Variants in CDH13 observed in about 807,000 individuals in gnomAD.
CDH13 encodes cadherin 13, also known as cadherin-13.
CDH13 carries 24 observed loss-of-function variants against 63.8 expected under a neutral mutation model. The observed-to-expected ratio is 0.38, with a 90% CI of 0.27 to 0.53. The LOEUF is 0.53. CDH13 is among the 20% of genes least tolerant of loss of function. The pLI, the probability that CDH13 is intolerant of heterozygous loss-of-function variation, is 0.85. For synonymous variants in CDH13, 503 were observed against 355.3 expected, an observed-to-expected ratio of 1.42 and a Z score of -4.67; for missense variants, 1,049 against 903.1, an observed-to-expected ratio of 1.16 and a Z score of -2.07.
chr16:83,239,114 G>T (rs7499979), intron 5 of CDH13, among the ~76,000 whole-genome samples: 1 of 152,194 alleles, frequency 6.6e-6, no homozygotes, highest in African/African-American at 2.4e-5. Context: ...TAAATATAGC[G>T]CCTGTCTTGT....
chr16:83,473,458 C>G (rs929213442), intron 6 of CDH13, among the ~76,000 whole-genome samples: 2 of 152,208 alleles, frequency 1.3e-5, no homozygotes, highest in Non-Finnish European at 2.9e-5. Flanking sequence ...CAGTAGTCAC[C>G]AGCACCCTGA....
chr16:83,058,520 G>A (rs954911711), intron 3 of CDH13, among the ~76,000 whole-genome samples: 1 of 151,998 alleles, frequency 6.6e-6, no homozygotes, highest in Non-Finnish European at 1.5e-5. Flanking sequence ...AAATGCTCTT[G>A]TCCAAATTCC....
chr16:83,602,107 CAAAAAAAAAAAAAAAAAAAAA>C (rs869202510), intron 7 of CDH13, among the ~76,000 whole-genome samples: 3 of 7,962 alleles, frequency 3.8e-4, no homozygotes, highest in Non-Finnish European at 5.6e-4. Flanking sequence ...AGAACAACAA[CAAAAAAAAAAAAAAAAAAAAA>C]AAAAAAAAAA....
chr16:82,737,912 T>C (rs2033754390), intron 1 of CDH13, among the ~76,000 whole-genome samples: 1 of 152,236 alleles, frequency 6.6e-6, no homozygotes, highest in Non-Finnish European at 1.5e-5. Flanking sequence ...AGGCTTCCAA[T>C]ATCATTCACC....
chr16:83,053,156 T>C (rs2030562854), intron 3 of CDH13, among the ~76,000 whole-genome samples: 1 of 152,218 alleles, frequency 6.6e-6, no homozygotes, highest in African/African-American at 2.4e-5. Flanking sequence ...AAGAATTAAA[T>C]AATATCATCT....
chr16:83,655,257 A>G (rs1411277065), intron 8 of CDH13: 1 of 152,264 alleles, frequency 6.6e-6, no homozygotes, highest in East Asian at 1.9e-4. Flanking sequence ...AGGATGTGCC[A>G]GACACCACGG....
intron 8 of CDH13, among the ~76,000 whole-genome samples, chr16:83,626,329 T>C (rs1031095234): frequency 1.3e-5 from 2 of 152,220 alleles, no homozygotes; most frequent in African/African-American, 4.8e-5. Context: ...AGACACACAC[T>C]GTCTGGGACC....
chr16:83,392,270 G>A (rs568907113), intron 6 of CDH13, among the ~76,000 whole-genome samples: 1 of 152,300 alleles, frequency 6.6e-6, no homozygotes, highest in African/African-American at 2.4e-5. Context: ...CATGGAGGAG[G>A]TTAAATAACA....
At chr16:83,069,631 C>T (rs936300772) in intron 3 of CDH13, among the ~76,000 whole-genome samples, 93 of 152,104 alleles carry the variant, frequency 6.1e-4, no homozygotes, top group African/African-American at 2.2e-3. Flanking sequence ...TGCCATGCTG[C>T]CTCTCAGAAA....
At chr16:83,352,441 T>G (rs916946516) in intron 6 of CDH13, among the ~76,000 whole-genome samples, 2 of 152,158 alleles carry the variant, frequency 1.3e-5, no homozygotes, top group African/African-American at 4.8e-5. Flanking sequence ...GAACTACCAT[T>G]TAATCCAGCA....
At chr16:82,994,109 G>T (rs927286736) in intron 2 of CDH13, among the ~76,000 whole-genome samples, 21 of 152,150 alleles carry the variant, frequency 1.4e-4, no homozygotes, top group Admixed American at 3.9e-4. Flanking sequence ...CCATCTGTTT[G>T]TGGGGAGGGA....
intron 5 of CDH13, among the ~76,000 whole-genome samples, chr16:83,277,612 A>G (rs151128367): frequency 1.9e-3 from 294 of 152,268 alleles, no homozygotes; most frequent in Non-Finnish European, 3.5e-3. Context: ...TATCTCATGT[A>G]TATATCATGG....
intron 3 of CDH13, among the ~76,000 whole-genome samples, chr16:83,101,434 GC>G (rs1387411712): frequency 2.1e-5 from 3 of 145,046 alleles, no homozygotes; most frequent in African/African-American, 7.6e-5. Flanking sequence ...TTGTGATATT[GC>G]CAAAAAAAAA....
At chr16:83,556,789 G>T (rs1272675040) in intron 7 of CDH13, among the ~76,000 whole-genome samples, 1 of 152,136 alleles carries the variant, frequency 6.6e-6, no homozygotes, top group Non-Finnish European at 1.5e-5. Flanking sequence ...CACACTTCAC[G>T]CCACACTTAG....
At chr16:83,292,454 C>G (rs11644424) in intron 5 of CDH13, among the ~76,000 whole-genome samples, 2 of 151,898 alleles carry the variant, frequency 1.3e-5, no homozygotes, top group South Asian at 2.1e-4. Flanking sequence ...CCATTACTCC[C>G]CCTTTGATTG....
At chr16:82,715,267 G>C (rs1234891871) in intron 1 of CDH13, among the ~76,000 whole-genome samples, 3 of 151,952 alleles carry the variant, frequency 2.0e-5, no homozygotes, top group African/African-American at 4.8e-5. Context: ...TCTATGACTT[G>C]CAGGCTGAAA....
At chr16:83,423,095 C>G (rs1291192653) in intron 6 of CDH13, among the ~76,000 whole-genome samples, 1 of 152,168 alleles carries the variant, frequency 6.6e-6, no homozygotes, top group Non-Finnish European at 1.5e-5. Flanking sequence ...AGCAAACTCA[C>G]TGGAAATGTG....
At chr16:83,747,110 T>C (rs56338482) in intron 10 of CDH13, among the ~76,000 whole-genome samples, 17,094 of 152,246 alleles carry the variant, frequency 0.11, 1,046 homozygotes, top group Middle Eastern at 0.16. Context: ...TAGTGTCGCA[T>C]ATGGGCTAAG....
intron 4 of CDH13, among the ~76,000 whole-genome samples, chr16:83,196,089 C>T (rs1567497308): frequency 6.6e-6 from 1 of 152,086 alleles, no homozygotes; most frequent in South Asian, 2.1e-4. Context: ...AACCGCGTCT[C>T]TACTAAAAAT....
Sources: gnomAD v4.1 joint callset for allele counts (sites outside exome capture counted in the v4.1 genomes callset) on GRCh38, gnomAD v4.1.1 for gene constraint, MANE v1.5 for transcripts, NCBI Gene and HGNC (gene_info 2026-07-23, HGNC 2026-07-21) for gene names.